QTMAN: variants seen among roughly 807,000 people sequenced by gnomAD.
The protein encoded by QTMAN is tRNA-queuosine alpha-mannosyltransferase.
At chr2:144,070,477 G>A in the QTMAN span, among the ~76,000 whole-genome samples, 1 of 151,994 alleles carries the variant, frequency 6.6e-6, no homozygotes, top group African/African-American at 2.4e-5. Context: ...GACAAAGCAG[G>A]ATTCCCTTCC....
At chr2:144,164,971 G>A in the QTMAN span, among the ~76,000 whole-genome samples, 4 of 152,012 alleles carry the variant, frequency 2.6e-5, no homozygotes, top group Non-Finnish European at 5.9e-5. Context: ...ATGCTGCTTT[G>A]GTGCTACAAT....
the QTMAN span, among the ~76,000 whole-genome samples, chr2:144,305,157 T>G: frequency 1.3e-5 from 2 of 152,216 alleles, no homozygotes; most frequent in African/African-American, 4.8e-5. Flanking sequence ...TTTTGGTGTC[T>G]TGTAAAAAGG....
chr2:144,327,020 G>A, the QTMAN span, among the ~76,000 whole-genome samples: 1 of 152,120 alleles, frequency 6.6e-6, no homozygotes, highest in Non-Finnish European at 1.5e-5. Context: ...TAGGCCTCAG[G>A]GAAAGCCTCT....
At chr2:144,132,311 A>C in the QTMAN span, among the ~76,000 whole-genome samples, 7 of 152,046 alleles carry the variant, frequency 4.6e-5, no homozygotes, top group Middle Eastern at 3.2e-3. Context: ...AAAATCTTTT[A>C]TCAGGAATTT....
At chr2:144,134,202 T>C in the QTMAN span, among the ~76,000 whole-genome samples, 1 of 152,170 alleles carries the variant, frequency 6.6e-6, no homozygotes, top group Non-Finnish European at 1.5e-5. Context: ...TGTTTTTTTT[T>C]AATAAGAATT....
chr2:144,192,891 A>AT, the QTMAN span, among the ~76,000 whole-genome samples: 4 of 151,992 alleles, frequency 2.6e-5, no homozygotes, highest in Non-Finnish European at 4.4e-5. Flanking sequence ...CATTTATCTA[A>AT]TTTTTTTTGG....
chr2:144,133,328 C>CATATATAAATATATATTATATATGTAT, the QTMAN span, among the ~76,000 whole-genome samples: 4 of 27,778 alleles, frequency 1.4e-4, no homozygotes, highest in East Asian at 3.8e-3. Flanking sequence ...TGTATATATA[C>CATATATAAATATATATTATATATGTAT]ATATATAAAT....
the QTMAN span, among the ~76,000 whole-genome samples, chr2:144,085,559 T>C: frequency 6.6e-6 from 1 of 152,210 alleles, no homozygotes; most frequent in Non-Finnish European, 1.5e-5. Context: ...GAGTAGCTTA[T>C]AATCTTGTTA....
the QTMAN span, among the ~76,000 whole-genome samples, chr2:144,298,902 C>A: frequency 6.6e-6 from 1 of 152,198 alleles, no homozygotes; most frequent in African/African-American, 2.4e-5. Flanking sequence ...TGCTCTCTCT[C>A]TCTGCTAAAA....
the QTMAN span, among the ~76,000 whole-genome samples, chr2:144,131,677 T>C: frequency 1.3e-5 from 2 of 152,056 alleles, no homozygotes; most frequent in African/African-American, 4.8e-5. Flanking sequence ...TCTGTGTACC[T>C]ATATTCTGTC....
the QTMAN span, among the ~76,000 whole-genome samples, chr2:144,264,420 T>C: frequency 6.6e-6 from 1 of 152,172 alleles, no homozygotes; most frequent in Non-Finnish European, 1.5e-5. Context: ...CCAAATCTCA[T>C]ATTTTCAGGG....
the QTMAN span, among the ~76,000 whole-genome samples, chr2:144,035,137 C>A: frequency 6.6e-6 from 1 of 152,154 alleles, no homozygotes; most frequent in Non-Finnish European, 1.5e-5. Context: ...ATAATGAGTT[C>A]TTGTCCTACT....
the QTMAN span, among the ~76,000 whole-genome samples, chr2:144,285,698 C>G: frequency 6.6e-6 from 1 of 152,162 alleles, no homozygotes; most frequent in Non-Finnish European, 1.5e-5. Flanking sequence ...ATTGAAGGAG[C>G]TTTACATTAA....
chr2:144,204,935 T>C, the QTMAN span, among the ~76,000 whole-genome samples: 110 of 134,428 alleles, frequency 8.2e-4, no homozygotes, highest in Middle Eastern at 9.8e-3. Flanking sequence ...TAGGTGGGAA[T>C]TGAACAATGA....
chr2:144,055,340 C>G, the QTMAN span, among the ~76,000 whole-genome samples: 4 of 149,676 alleles, frequency 2.7e-5, no homozygotes, highest in Non-Finnish European at 4.4e-5. Flanking sequence ...CACAGACACA[C>G]ACACACACAC....
chr2:144,141,203 C>T, the QTMAN span, among the ~76,000 whole-genome samples: 2 of 151,766 alleles, frequency 1.3e-5, no homozygotes, highest in Non-Finnish European at 2.9e-5. Flanking sequence ...AGAAATATTC[C>T]TAGTGGTAGT....
chr2:144,058,798 G>C, the QTMAN span, among the ~76,000 whole-genome samples: 1 of 152,054 alleles, frequency 6.6e-6, no homozygotes, highest in Non-Finnish European at 1.5e-5. Flanking sequence ...GTTACACTGG[G>C]TTCTGCCTTC....
the QTMAN span, among the ~76,000 whole-genome samples, chr2:143,984,851 C>T: frequency 3.9e-5 from 6 of 152,188 alleles, no homozygotes; most frequent in African/African-American, 1.4e-4. Context: ...GCTCCCCTTC[C>T]CACTGAGAGC....
chr2:144,069,660 T>C, the QTMAN span, among the ~76,000 whole-genome samples: 12 of 152,096 alleles, frequency 7.9e-5, no homozygotes, highest in African/African-American at 2.9e-4. Context: ...AAATAAATTT[T>C]GAAATGATTA....
Sources: gnomAD v4.1 joint callset for allele counts (sites outside exome capture counted in the v4.1 genomes callset) on GRCh38, gnomAD v4.1.1 for gene constraint, MANE v1.5 for transcripts, NCBI Gene and HGNC (gene_info 2026-07-23, HGNC 2026-07-21) for gene names.